Variants in FAF1 observed in about 807,000 individuals in gnomAD.
The protein encoded by FAF1 is FAS-associated factor 1.
A neutral mutation model predicts 92.5 loss-of-function variants in FAF1; 25 were observed. The ratio of observed to expected loss-of-function variants is 0.27; its 90% CI spans 0.20 to 0.38. The LOEUF (loss-of-function observed/expected upper bound fraction) is 0.38. FAF1 is among the 10% of genes least tolerant of loss of function. The pLI is 1.00. For missense variants in FAF1, 636 were observed against 793.3 expected, an observed-to-expected ratio of 0.80 and a Z score of 2.38; for synonymous variants, 234 against 273.2, an observed-to-expected ratio of 0.86 and a Z score of 1.42.
At chr1:50,691,503 A>C (rs1656921936) in intron 7 of FAF1, among the ~76,000 whole-genome samples, 2 of 152,096 alleles carry the variant, frequency 1.3e-5, no homozygotes, top group Admixed American at 1.3e-4. Flanking sequence ...TGGCCTCCCA[A>C]AGTACTGGGA....
At chr1:50,500,946 G>A (rs573996086) in intron 15 of FAF1, among the ~76,000 whole-genome samples, 3 of 152,048 alleles carry the variant, frequency 2.0e-5, no homozygotes, top group South Asian at 2.1e-4. Context: ...GTGAATTATC[G>A]TGATATAGTA....
At chr1:50,462,928 T>G (rs1646450533) in intron 18 of FAF1, among the ~76,000 whole-genome samples, 1 of 152,160 alleles carries the variant, frequency 6.6e-6, no homozygotes, top group Non-Finnish European at 1.5e-5. Flanking sequence ...AGTTATATAT[T>G]CAGAGAAAGG....
rs191615593 is a variant in FAF1, at chr1:50,953,972, G to C, written c.45+5795C>G. Among the ~76,000 whole-genome samples the C allele has an allele frequency of 9.9e-3, 1,508 of 151,636 alleles. 23 individuals are homozygous for C. Among genetic ancestry groups the C allele is most frequent in the African/African-American group, 0.035 (1,430 of 41,362 alleles). ...TACATTTTTTTTTTTTATTTGAGAC[G>C]GAGTCTCCCTCTGTCGCCCAGGCTG... On this transcript the variant is annotated intron_variant, in intron 1 of 18. Transcript: ENST00000396153.
chr1:50,485,992 A>C (rs1206947994), intron 17 of FAF1, among the ~76,000 whole-genome samples: 1 of 152,142 alleles, frequency 6.6e-6, no homozygotes, highest in Non-Finnish European at 1.5e-5. Context: ...CCCTTCCTTC[A>C]ACATGTGGGG....
chr1:50,630,612 A>G (rs1161589051), intron 8 of FAF1, among the ~76,000 whole-genome samples: 2 of 152,124 alleles, frequency 1.3e-5, no homozygotes, highest in Admixed American at 1.3e-4. Context: ...ATAGTTAAGT[A>G]TTCTAAAACA....
At chr1:50,767,908 G>A (rs1014699783) in intron 4 of FAF1, among the ~76,000 whole-genome samples, 9 of 152,260 alleles carry the variant, frequency 5.9e-5, no homozygotes, top group East Asian at 1.9e-4. Context: ...ATAATAACCA[G>A]GTAACAATCC....
At chr1:50,679,320 G>C (rs534314222) in intron 7 of FAF1, among the ~76,000 whole-genome samples, 34 of 112,676 alleles carry the variant, frequency 3.0e-4, no homozygotes, top group African/African-American at 1.2e-3. Context: ...AAAAAAAAAA[G>C]TACAAAAAAA....
chr1:50,490,221 A>G (rs1377504594), intron 17 of FAF1, among the ~76,000 whole-genome samples: 2 of 151,992 alleles, frequency 1.3e-5, no homozygotes, highest in Non-Finnish European at 2.9e-5. Context: ...TTAGCCAGGC[A>G]TGGTGGTGTG....
chr1:50,539,863 G>A, intron 13 of FAF1, 135 bp from the exon 14 acceptor site: 1 of 630,314 alleles, frequency 1.6e-6, no homozygotes, highest in Non-Finnish European at 2.7e-6. Flanking sequence ...GTAAAATCTT[G>A]CTATATTGAG....
At chr1:50,853,115 C>A (rs1644364006) in intron 2 of FAF1, among the ~76,000 whole-genome samples, 1 of 152,094 alleles carries the variant, frequency 6.6e-6, no homozygotes, top group Non-Finnish European at 1.5e-5. Flanking sequence ...TTAGTCTATT[C>A]ATTCATAAAA....
At chr1:50,937,184 T>G (rs1276805330) in intron 1 of FAF1, among the ~76,000 whole-genome samples, 1 of 152,106 alleles carries the variant, frequency 6.6e-6, no homozygotes, top group Non-Finnish European at 1.5e-5. Flanking sequence ...CTATTAATTG[T>G]GCATTAATAA....
At chr1:50,635,102 T>C (rs1219039601) in intron 8 of FAF1, among the ~76,000 whole-genome samples, 2 of 152,176 alleles carry the variant, frequency 1.3e-5, no homozygotes, top group African/African-American at 2.4e-5. Context: ...AGCACCAAAA[T>C]AGAGTACTAC....
chr1:50,500,153 C>T (rs953654342), intron 15 of FAF1, among the ~76,000 whole-genome samples: 3 of 152,052 alleles, frequency 2.0e-5, no homozygotes. Context: ...TTTTGGTTAG[C>T]TGATTGTAAA....
chr1:50,736,293 A>G (rs1659134201), intron 6 of FAF1, among the ~76,000 whole-genome samples: 1 of 152,154 alleles, frequency 6.6e-6, no homozygotes. Context: ...TACAAATAAG[A>G]TTTCTAAGAA....
intron 2 of FAF1, among the ~76,000 whole-genome samples, chr1:50,801,907 C>T (rs1048016177): frequency 1.3e-5 from 2 of 151,962 alleles, no homozygotes; most frequent in African/African-American, 4.8e-5. Flanking sequence ...ATCCCCAAAC[C>T]TTGAGTCATA....
chr1:50,579,726 T>C (rs1231001600), intron 12 of FAF1, among the ~76,000 whole-genome samples: 1 of 152,062 alleles, frequency 6.6e-6, no homozygotes, highest in Non-Finnish European at 1.5e-5. Flanking sequence ...CTACAAGTCA[T>C]CCGGTCTGAT....
At position 50,519,798 on chromosome 1, in the gene FAF1, C is replaced by A. The variant is rs376474907; in HGVS notation, c.1494+15571G>T. Reference sequence around the variant, plus strand: ...GTACCCTTCTTTCTTCTAGAAGATACTTCTCCACAAGTCTACCTGCCACAA... The same window carrying A: ...GTACCCTTCTTTCTTCTAGAAGATAATTCTCCACAAGTCTACCTGCCACAA... On this transcript the variant is annotated intron_variant, in intron 15 of 18. Transcript: ENST00000396153. 2.6e-5 allele frequency among the ~76,000 whole-genome samples: 4 copies of A among 152,288 alleles called. No homozygotes were observed. The East Asian group carries it at 7.7e-4, about 29-fold the overall frequency.
chr1:50,605,623 T>C (rs889692312), intron 8 of FAF1, among the ~76,000 whole-genome samples: 2 of 152,162 alleles, frequency 1.3e-5, no homozygotes, highest in African/African-American at 4.8e-5. Flanking sequence ...TAGCCCTTCT[T>C]TCACAGTTCC....
At chr1:50,636,066 T>C (rs943871459) in intron 8 of FAF1, among the ~76,000 whole-genome samples, 12 of 152,128 alleles carry the variant, frequency 7.9e-5, no homozygotes, top group African/African-American at 2.9e-4. Flanking sequence ...GGGAGACAGA[T>C]TTGATGTTGA....
Sources: allele counts gnomAD v4.1 joint callset (sites outside exome capture counted in the v4.1 genomes callset), GRCh38; gene constraint gnomAD v4.1.1; transcripts MANE v1.5; gene names NCBI Gene and HGNC (gene_info 2026-07-23, HGNC 2026-07-21).